The following NUP160 variants were observed in gnomAD, a reference collection of about 807,000 sequenced individuals.
The protein encoded by NUP160 is nucleoporin 160.
A neutral mutation model predicts 196.9 loss-of-function variants in NUP160; 94 were observed. The observed-to-expected ratio is 0.48, with a 90% CI of 0.40 to 0.57. The LOEUF (loss-of-function observed/expected upper bound fraction) is 0.57. NUP160 is among the 20% of genes least tolerant of loss of function. The probability of loss-of-function intolerance (pLI) is 0.00; values close to 1 mark genes in which losing one functional copy is unlikely to be tolerated. For missense variants in NUP160, 1,638 were observed against 1,748.3 expected (o/e 0.94, Z 1.13); for synonymous variants, 605 against 619.7 (o/e 0.98, Z 0.35).
At chr11:47,794,289 C>G (rs768305761) in intron 27 of NUP160, among the ~76,000 whole-genome samples, 2 of 151,938 alleles carry the variant, frequency 1.3e-5, no homozygotes, top group African/African-American at 4.8e-5. Flanking sequence ...GTCAGGAGAT[C>G]GAGACCATCC....
chr11:47,809,577 C>G (rs1479651802), intron 17 of NUP160, among the ~76,000 whole-genome samples: 1 of 151,710 alleles, frequency 6.6e-6, no homozygotes, highest in Non-Finnish European at 1.5e-5. Context: ...GGCGAAACCC[C>G]ATCTCTATTA....
intron 29 of NUP160, among the ~76,000 whole-genome samples, chr11:47,790,818 C>G (rs1439076032): frequency 6.6e-6 from 1 of 152,184 alleles, no homozygotes; most frequent in Non-Finnish European, 1.5e-5. Context: ...TTAATGGTGT[C>G]TGGGAACTCT....
intron 18 of NUP160, among the ~76,000 whole-genome samples, chr11:47,807,731 C>T (rs527661737): frequency 1.8e-4 from 27 of 152,108 alleles, no homozygotes; most frequent in Middle Eastern, 3.4e-3. Flanking sequence ...CTCAGCCTAC[C>T]TAAAGTAACA....
chr11:47,800,660 G>C (rs911048302), intron 23 of NUP160, among the ~76,000 whole-genome samples: 17 of 152,170 alleles, frequency 1.1e-4, no homozygotes, highest in African/African-American at 3.9e-4. Context: ...AAAGTGCTGG[G>C]ATTACAGGTG....
intron 14 of NUP160, 98 bp downstream of exon 14, chr11:47,813,218 G>T: frequency 1.9e-6 from 2 of 1,056,014 alleles, no homozygotes; most frequent in Non-Finnish European, 2.9e-6. Flanking sequence ...AAGTGACCAA[G>T]ACAGGTGTGG....
chr11:47,847,648 T>TGGGGG (rs56283744), intron 2 of NUP160, among the ~76,000 whole-genome samples, 200 bp downstream of exon 2: 704 of 77,314 alleles, frequency 9.1e-3, no homozygotes, highest in South Asian at 0.016. Context: ...TGTGTGGGGG[T>TGGGGG]GGGGGGGGGG....
At position 47,782,304 on chromosome 11, in the gene NUP160, ATATATATATATATAT is replaced by A. The variant is rs1275307955; in HGVS notation, c.4116+754_4116+768del. 6.4e-3 allele frequency among the ~76,000 whole-genome samples: 334 copies of A among 52,148 alleles called. 63 individuals carry two copies. Among genetic ancestry groups the A allele is most frequent in the African/African-American group, 0.02 (278 of 13,594 alleles). The allele number at this position is 52,148 out of a possible 152,430, so 34.2% of individuals were successfully genotyped here. On this transcript the variant is annotated intron_variant, in intron 34 of 35. Coordinates refer to ENST00000378460, the Ensembl canonical transcript of NUP160. Reference sequence around the variant, plus strand: ...AAAACTCAGTTAAAAAAAAAAAAAAATATATATATATATATATATATATATATATATATATATATA... The same window carrying A: ...AAAACTCAGTTAAAAAAAAAAAAAAAATATATATATATATATATATATATA...
intron 23 of NUP160, among the ~76,000 whole-genome samples, chr11:47,798,668 A>T (rs559296554): frequency 1.2e-4 from 18 of 152,142 alleles, no homozygotes; most frequent in Middle Eastern, 3.4e-3. Flanking sequence ...CTACAAAAAA[A>T]TTTTTTTAAA....
At chr11:47,787,964 C>T (rs1012385938) in intron 31 of NUP160, among the ~76,000 whole-genome samples, 2 of 152,054 alleles carry the variant, frequency 1.3e-5, no homozygotes, top group African/African-American at 2.4e-5. Context: ...CCTCGTGATC[C>T]GCCCGCCTCG....
At chr11:47,783,528 T>G (rs2097662722) in intron 33 of NUP160, among the ~76,000 whole-genome samples, 1 of 152,162 alleles carries the variant, frequency 6.6e-6, no homozygotes, top group Non-Finnish European at 1.5e-5. Context: ...GTCAACAAAC[T>G]TTTCCTGAAC....
exon 28 of NUP160, chr11:47,792,899 G>C (rs1428057978): frequency 6.2e-7 from 1 of 1,613,996 alleles, no homozygotes. Flanking sequence ...CGGAGAGTTC[G>C]AACTTCTCTG....
intron 15 of NUP160, 114 bp from the exon 16 acceptor site, chr11:47,812,543 A>G (rs1328158177): frequency 5.6e-6 from 6 of 1,070,444 alleles, no homozygotes; most frequent in East Asian, 2.4e-5. Flanking sequence ...AGGAATGAAG[A>G]TAATCACTCT....
chr11:47,822,141 G>A (rs754828409), exon 8 of NUP160: 7 of 1,608,678 alleles, frequency 4.4e-6, no homozygotes, highest in Non-Finnish European at 6.0e-6. Context: ...TACTCTCAGT[G>A]CTCACCAACT....
chr11:47,840,455 G>T (rs760441147), exon 3 of NUP160: 2 of 1,614,012 alleles, frequency 1.2e-6, no homozygotes, highest in African/African-American at 2.7e-5. Context: ...ATTATCACAC[G>T]ATTCTGAGTC....
At chr11:47,845,384 C>T (rs886960016) in intron 2 of NUP160, among the ~76,000 whole-genome samples, 1 of 152,234 alleles carries the variant, frequency 6.6e-6, no homozygotes, top group Non-Finnish European at 1.5e-5. Flanking sequence ...AGGTGATCCA[C>T]CTGCCTCGGC....
chr11:47,782,298 AAAAAAATAT>A (rs1387752810), intron 34 of NUP160, among the ~76,000 whole-genome samples: 47 of 53,144 alleles, frequency 8.8e-4, no homozygotes, highest in Non-Finnish European at 1.2e-3. Flanking sequence ...TTAAAAAAAA[AAAAAAATAT>A]ATATATATAT....
At chr11:47,843,659 T>A (rs917321297) in intron 2 of NUP160, among the ~76,000 whole-genome samples, 1 of 152,230 alleles carries the variant, frequency 6.6e-6, no homozygotes, top group African/African-American at 2.4e-5. Context: ...GCTATTGCTA[T>A]GCAGAGGGTA....
chr11:47,839,744 A>G, intron 4 of NUP160, 99 bp downstream of exon 4: 1 of 970,262 alleles, frequency 1.0e-6, no homozygotes, highest in South Asian at 1.4e-5. Context: ...GTTCCGGGGC[A>G]GTAGAGATGC....
chr11:47,785,098 A>ATTTTTTTTTTT lies in NUP160; in HGVS notation c.3849-36_3849-35insAAAAAAAAAAA. On this transcript the variant is annotated intron_variant, in intron 32 of 35. Transcript: ENST00000378460. ...AACAAAAATGACTAATGAGTTTCAGATTCTTAATAGCTATTTAGAGTACCA... is the reference window on the plus strand; with the variant it reads ...AACAAAAATGACTAATGAGTTTCAGATTTTTTTTTTTTTCTTAATAGCTATTTAGAGTACCA... The ATTTTTTTTTTT allele has an allele frequency of 9.7e-6, 11 of 1,137,358 alleles. 1 individual carries two copies. Among genetic ancestry groups the ATTTTTTTTTTT allele is most frequent in the South Asian group, 7.5e-5 (4 of 53,480 alleles). 70.5% of individuals were successfully genotyped at this position (1,137,358 alleles called of 1,614,324 possible). A position where few individuals can be genotyped will look rare whatever the true frequency, so the allele number is the denominator to read the frequency against.
Sources: allele counts gnomAD v4.1 joint callset (sites outside exome capture counted in the v4.1 genomes callset), GRCh38; gene constraint gnomAD v4.1.1; transcripts MANE v1.5; gene names NCBI Gene and HGNC (gene_info 2026-07-23, HGNC 2026-07-21).